Variants in PHF14 observed in about 807,000 individuals in gnomAD.
The protein encoded by PHF14 is PHD finger protein 14.
Under a neutral mutation model 117.9 loss-of-function variants are expected in PHF14, and 55 were observed. The ratio of observed to expected loss-of-function variants is 0.47; its 90% CI spans 0.38 to 0.58. The LOEUF (loss-of-function observed/expected upper bound fraction) is 0.58. Among genes scored for constraint, PHF14 ranks in the 20% least tolerant of loss-of-function variants. PHF14 has a pLI of 0.00. For missense variants in PHF14, 978 were observed against 1,122.2 expected, an observed-to-expected ratio of 0.87 and a Z score of 1.84; for synonymous variants, 409 against 368.6, an observed-to-expected ratio of 1.11 and a Z score of -1.26.
At chr7:11,065,784 AT>A (rs2128331027) in intron 16 of PHF14, among the ~76,000 whole-genome samples, 1 of 152,266 alleles carries the variant, frequency 6.6e-6, no homozygotes, top group South Asian at 2.1e-4. Context: ...TAAACCTCAA[AT>A]TTTATCTTAA....
At chr7:11,111,140 T>C in intron 16 of PHF14, 2 of 434,916 alleles carry the variant, frequency 4.6e-6, no homozygotes, top group African/African-American at 2.0e-5. Context: ...GTTGATTTTA[T>C]TGCTGTTGTA....
At chr7:11,106,197 G>C in intron 16 of PHF14, 1 of 980,702 alleles carries the variant, frequency 1.0e-6, no homozygotes, top group Non-Finnish European at 1.2e-6. Context: ...TAACTGAATT[G>C]ATCCCACTCT....
chr7:11,046,455 A>G (rs938310918), intron 13 of PHF14, among the ~76,000 whole-genome samples: 45 of 152,176 alleles, frequency 3.0e-4, no homozygotes, highest in Admixed American at 2.0e-4. Context: ...TTATTTTATG[A>G]TGAAAAGAAA....
chr7:11,161,849 G>C (rs906537430), intron 17 of PHF14, among the ~76,000 whole-genome samples: 2 of 150,076 alleles, frequency 1.3e-5, no homozygotes, highest in African/African-American at 4.9e-5. Context: ...ATGAAGGAAA[G>C]TTACCAATGT....
intron 7 of PHF14, 56 bp downstream of exon 7, chr7:11,028,874 C>CT (rs2128320285): frequency 1.4e-6 from 2 of 1,404,564 alleles, no homozygotes; most frequent in East Asian, 2.3e-5. Flanking sequence ...TCTTTTGACT[C>CT]TATGTCCTAT....
intron 14 of PHF14, 32 bp from the exon 15 acceptor site, chr7:11,061,759 T>C: frequency 6.8e-7 from 1 of 1,473,434 alleles, no homozygotes; most frequent in Non-Finnish European, 9.0e-7. Context: ...TGTGGATTTT[T>C]GTTTTTTGTT....
chr7:10,992,529 G>T (rs1025664976), intron 4 of PHF14, among the ~76,000 whole-genome samples: 2 of 151,896 alleles, frequency 1.3e-5, no homozygotes, highest in African/African-American at 2.4e-5. Flanking sequence ...CGGGCGTGGT[G>T]GCTTATACCT....
chr7:10,983,629 G>A (rs1339992603), intron 3 of PHF14, among the ~76,000 whole-genome samples: 6 of 152,054 alleles, frequency 3.9e-5, no homozygotes, highest in Non-Finnish European at 5.9e-5. Flanking sequence ...TTAGAGATTC[G>A]TTTTAAATAT....
chr7:11,014,213 A>T (rs1050588374), intron 5 of PHF14, among the ~76,000 whole-genome samples: 2 of 152,200 alleles, frequency 1.3e-5, no homozygotes, highest in African/African-American at 4.8e-5. Flanking sequence ...TTATTTAAAT[A>T]ACTTATTCGT....
chr7:10,979,140 G>C (rs964149537), intron 2 of PHF14, among the ~76,000 whole-genome samples: 11 of 151,962 alleles, frequency 7.2e-5, no homozygotes, highest in Non-Finnish European at 2.9e-5. Flanking sequence ...TTTGTTATGG[G>C]GAGAACATTG....
rs540836272 is a variant in PHF14 at position 10,997,484 on chromosome 7, A to G, written c.1045+6637A>G. On this transcript the variant is annotated intron_variant, in intron 4 of 17. Transcript: ENST00000634607. ...GCAGTGGAACAAATTATCCCAAAAC[A>G]TAGCAGCTTAAAACAACAAACATTT... 3.3e-5 allele frequency among the ~76,000 whole-genome samples: 5 copies of G among 152,334 alleles called. No individual in the cohort carries two copies. The South Asian group carries it at 1.0e-3, about 32-fold the overall frequency.
intron 4 of PHF14, among the ~76,000 whole-genome samples, chr7:11,008,597 CT>C (rs1337316740): frequency 6.6e-6 from 1 of 152,186 alleles, no homozygotes; most frequent in Non-Finnish European, 1.5e-5. Context: ...AATAATCCCC[CT>C]GTCCCATCCA....
intron 17 of PHF14, among the ~76,000 whole-genome samples, chr7:11,138,080 C>T (rs1471717352): frequency 6.6e-6 from 1 of 151,542 alleles, no homozygotes; most frequent in Non-Finnish European, 1.5e-5. Context: ...CTCTGTCACC[C>T]AGCAGGCTGG....
At chr7:11,153,372 G>C (rs924394209) in intron 17 of PHF14, among the ~76,000 whole-genome samples, 6 of 152,110 alleles carry the variant, frequency 3.9e-5, no homozygotes, top group Admixed American at 1.3e-4. Context: ...TATAGACCAA[G>C]TGAGGTATAA....
chr7:10,999,307 C>T (rs1782773590), intron 4 of PHF14, among the ~76,000 whole-genome samples: 1 of 152,180 alleles, frequency 6.6e-6, no homozygotes. Context: ...TGTTAGTTGC[C>T]TAGTCCCTGG....
chr7:11,035,594 T>C, intron 7 of PHF14, 46 bp from the exon 8 acceptor site: 1 of 1,345,942 alleles, frequency 7.4e-7, no homozygotes, highest in Non-Finnish European at 1.0e-6. Flanking sequence ...TTTATGACTC[T>C]TGGGAGTACA....
At chr7:11,076,567 C>CTTTTTTTTTTTTTT (rs71023886) in intron 16 of PHF14, among the ~76,000 whole-genome samples, 1 of 124,756 alleles carries the variant, frequency 8.0e-6, no homozygotes, top group Non-Finnish European at 1.7e-5. Flanking sequence ...TTTTCTTTTT[C>CTTTTTTTTTTTTTT]TTTTTTTTTT....
At chr7:11,060,807 A>C (rs1785197798) in intron 14 of PHF14, among the ~76,000 whole-genome samples, 1 of 152,206 alleles carries the variant, frequency 6.6e-6, no homozygotes, top group Non-Finnish European at 1.5e-5. Context: ...TTCATAGTTT[A>C]TAAATTTACT....
At chr7:11,162,357 C>T (rs113840923) in intron 17 of PHF14, among the ~76,000 whole-genome samples, 3,290 of 152,016 alleles carry the variant, frequency 0.022, 120 homozygotes, top group African/African-American at 0.075. Context: ...TCCACAGTGC[C>T]GGGATTACAG....
Sources: gnomAD v4.1 joint callset for allele counts (sites outside exome capture counted in the v4.1 genomes callset) on GRCh38, gnomAD v4.1.1 for gene constraint, MANE v1.5 for transcripts, NCBI Gene and HGNC (gene_info 2026-07-23, HGNC 2026-07-21) for gene names.